YES1: variants seen among roughly 807,000 people sequenced by gnomAD.
YES1 encodes tyrosine-protein kinase Yes.
A neutral mutation model predicts 70.4 loss-of-function variants in YES1; 39 were observed. The observed-to-expected ratio is 0.55, with a 90% CI of 0.43 to 0.72. The LOEUF (loss-of-function observed/expected upper bound fraction) is 0.72. Ranked by LOEUF, YES1 falls within the 30% of genes least tolerant of loss-of-function variation. The pLI, the probability that YES1 is intolerant of heterozygous loss-of-function variation, is 0.00. For missense variants in YES1, 495 were observed against 644.8 expected, an observed-to-expected ratio of 0.77 and a Z score of 2.52; for synonymous variants, 198 against 218.6, an observed-to-expected ratio of 0.91 and a Z score of 0.83.
chr18:797,314 T>C (rs1361619734), intron 1 of YES1, among the ~76,000 whole-genome samples: 1 of 152,040 alleles, frequency 6.6e-6, no homozygotes, highest in Non-Finnish European at 1.5e-5. Context: ...AATAAAACAA[T>C]GTTCTATCAA....
intron 1 of YES1, among the ~76,000 whole-genome samples, chr18:772,770 C>T (rs1905216528): frequency 6.6e-6 from 1 of 152,158 alleles, no homozygotes. Context: ...TTCTGGCTAA[C>T]TACTTTACTC....
intron 1 of YES1, among the ~76,000 whole-genome samples, chr18:782,893 C>T (rs374585307): frequency 6.6e-6 from 1 of 152,130 alleles, no homozygotes; most frequent in Non-Finnish European, 1.5e-5. Flanking sequence ...CAGGGTTTCG[C>T]CATATTAGCC....
intron 1 of YES1, among the ~76,000 whole-genome samples, chr18:762,123 C>A (rs1420286570): frequency 6.6e-6 from 1 of 152,166 alleles, no homozygotes; most frequent in Admixed American, 6.5e-5. Flanking sequence ...GAGTTTGAGA[C>A]CAGCCTGACC....
intron 9 of YES1, among the ~76,000 whole-genome samples, chr18:737,838 G>A (rs558762081): frequency 6.6e-6 from 1 of 152,266 alleles, no homozygotes; most frequent in Admixed American, 6.5e-5. Flanking sequence ...TCCCACCTCA[G>A]CCTAGTGAGT....
intron 1 of YES1, among the ~76,000 whole-genome samples, chr18:766,031 C>T (rs115546519): frequency 0.016 from 2,495 of 152,322 alleles, 64 homozygotes; most frequent in African/African-American, 0.057. Flanking sequence ...TCCTCTACTT[C>T]ACAGTATTAG....
At chr18:811,325 CTGT>C in intron 1 of YES1, among the ~76,000 whole-genome samples, 1 of 152,260 alleles carries the variant, frequency 6.6e-6, no homozygotes, top group Middle Eastern at 3.4e-3. Flanking sequence ...CAAATCCGAA[CTGT>C]TAAGTCCTAC....
At chr18:745,439 T>C (rs568893255) in intron 6 of YES1, among the ~76,000 whole-genome samples, 32 of 152,290 alleles carry the variant, frequency 2.1e-4, no homozygotes, top group Admixed American at 3.3e-4. Flanking sequence ...TTTCATAAGG[T>C]ACATGTGGTG....
chr18:775,453 T>G lies in YES1; in HGVS notation c.-8-18618A>C, dbSNP rs192539174. Among the ~76,000 whole-genome samples the G allele has an allele frequency of 4.8e-3, 735 of 152,300 alleles. 2 individuals carry two copies. Among genetic ancestry groups the G allele is most frequent in the Non-Finnish European group, 7.4e-3 (503 of 68,030 alleles). ...GCTCAGTTCCTCTTAACCATTACCT[T>G]GACTTCTAACATTACAGTTTAAGTT... On this transcript the variant is annotated intron_variant, in intron 1 of 11. Transcript: ENST00000314574.
At chr18:788,677 T>C (rs1407584368) in intron 1 of YES1, among the ~76,000 whole-genome samples, 1 of 152,172 alleles carries the variant, frequency 6.6e-6, no homozygotes, top group African/African-American at 2.4e-5. Context: ...CCCGGCACTT[T>C]GGGAGGCCAA....
At chr18:740,605 G>A (rs1037415442) in intron 8 of YES1, among the ~76,000 whole-genome samples, 4 of 152,206 alleles carry the variant, frequency 2.6e-5, no homozygotes, top group Non-Finnish European at 5.9e-5. Context: ...GAGCAGAACA[G>A]TGGGTTTATG....
At chr18:779,714 T>G (rs771513356) in intron 1 of YES1, among the ~76,000 whole-genome samples, 1 of 152,162 alleles carries the variant, frequency 6.6e-6, no homozygotes, top group Non-Finnish European at 1.5e-5. Context: ...ATCTTTATTC[T>G]CTCAGATTTT....
chr18:764,458 G>C (rs1198351950), intron 1 of YES1, among the ~76,000 whole-genome samples: 1 of 152,282 alleles, frequency 6.6e-6, no homozygotes, highest in African/African-American at 2.4e-5. Flanking sequence ...CTGACCTCAA[G>C]TGATCCACCT....
chr18:729,856 A>AC (rs1382011167), intron 11 of YES1, among the ~76,000 whole-genome samples: 1 of 151,948 alleles, frequency 6.6e-6, no homozygotes, highest in Non-Finnish European at 1.5e-5. Flanking sequence ...CAAACTCCTG[A>AC]CCTTGTGATC....
At chr18:744,859 T>C (rs1460906036) in intron 6 of YES1, among the ~76,000 whole-genome samples, 1 of 151,974 alleles carries the variant, frequency 6.6e-6, no homozygotes, top group Non-Finnish European at 1.5e-5. Flanking sequence ...AGACACAAAG[T>C]CAGGGAACCC....
intron 1 of YES1, among the ~76,000 whole-genome samples, chr18:781,269 CAA>C (rs1167805094): frequency 1.7e-4 from 17 of 101,358 alleles, no homozygotes; most frequent in Admixed American, 2.1e-4. Context: ...AACTCTGTCT[CAA>C]AAAAAAAAAA....
chr18:749,894 A>G (rs1345459874), intron 3 of YES1, among the ~76,000 whole-genome samples: 3 of 151,982 alleles, frequency 2.0e-5, no homozygotes, highest in Non-Finnish European at 4.4e-5. Context: ...GAAATATTCC[A>G]GTAAGACCAA....
chr18:776,009 G>T (rs1030105213), intron 1 of YES1, among the ~76,000 whole-genome samples: 1 of 152,126 alleles, frequency 6.6e-6, no homozygotes, highest in African/African-American at 2.4e-5. Flanking sequence ...TGACAGCAAT[G>T]AACATTCCCG....
At chr18:785,918 A>G (rs909965195) in intron 1 of YES1, among the ~76,000 whole-genome samples, 4 of 152,132 alleles carry the variant, frequency 2.6e-5, no homozygotes, top group African/African-American at 9.7e-5. Flanking sequence ...AGCCTGGGCA[A>G]AAGAGTGACA....
chr18:746,113 T>C (rs1005537814), intron 4 of YES1, 62 bp from the exon 5 acceptor site: 92 of 1,264,022 alleles, frequency 7.3e-5, no homozygotes, highest in Non-Finnish European at 1.0e-4. Flanking sequence ...TATACAGAAG[T>C]GTCAGTAAGA....
Sources: gnomAD v4.1 joint callset for allele counts (sites outside exome capture counted in the v4.1 genomes callset) on GRCh38, gnomAD v4.1.1 for gene constraint, MANE v1.5 for transcripts, NCBI Gene and HGNC (gene_info 2026-07-23, HGNC 2026-07-21) for gene names.